ZNF436: variants seen among roughly 807,000 people sequenced by gnomAD.
The protein encoded by ZNF436 is zinc finger protein 436, also known as DNA-binding protein.
A neutral mutation model predicts 41.9 loss-of-function variants in ZNF436; 22 were observed. The ratio of observed to expected loss-of-function variants is 0.53; its 90% CI spans 0.38 to 0.75. The LOEUF (loss-of-function observed/expected upper bound fraction) is 0.75, where lower values mean the gene tolerates loss of function less well. Among genes scored for constraint, ZNF436 ranks in the 30% least tolerant of loss-of-function variants. The pLI is 0.00. For missense variants in ZNF436, 506 were observed against 587.3 expected, an observed-to-expected ratio of 0.86 and a Z score of 1.43; for synonymous variants, 217 against 197.8, an observed-to-expected ratio of 1.10 and a Z score of -0.82.
In ZNF436 at chr1:23,359,482, T is replaced by C. The variant is rs1646979567; in HGVS notation, c.*2487A>G. 6.6e-6 allele frequency: 1 copy of C among 152,218 alleles called. No individual in the cohort carries two copies. Among genetic ancestry groups the C allele is most frequent in the Non-Finnish European group, 1.5e-5 (1 of 68,028 alleles). The allele number at this position is 152,218 out of a possible 1,614,324, so 9.4% of individuals were successfully genotyped here. A position where few individuals can be genotyped will look rare whatever the true frequency, so the allele number is the denominator to read the frequency against. On this transcript the variant is annotated 3_prime_UTR_variant, in exon 4 of 4. Transcript: ENST00000314011. ...AAATTATATTTTTAATTATAGAATA[T>C]TGTTAGAATAATACAAACACTAGGA...
intron 3 of ZNF436, among the ~76,000 whole-genome samples, chr1:23,366,796 A>C (rs1638366580): frequency 6.6e-6 from 1 of 152,218 alleles, no homozygotes; most frequent in African/African-American, 2.4e-5. Context: ...AACAGGCTGG[A>C]GATTGGAAAA....
rs756307301 is a variant in ZNF436 at position 23,362,885 on chromosome 1, T to C, written c.497A>G (p.Tyr166Cys). Residue 166 changes from tyrosine (Y) to cysteine (C), a missense_variant, in exon 4 of 4, where the codon TAT (tyrosine) becomes TGT (cysteine). Physicochemically the swap from Tyr to Cys is radical, Grantham distance 194. Around this residue, in one of 2 missense-constraint regions of ZNF436, gnomAD observed 228 missense variants for 215.1 expected, o/e 1.06. Transcript: ENST00000314011. ...GCCTTTTCCACATTCATAACATTTA[T>C]AGGGTCTGTCTCCAGTGTGGGTCTT... Reference protein sequence around the residue: ...HQKTHTGDRPYKCYECGKGFS... With the variant: ...HQKTHTGDRPCKCYECGKGFS... 1 of 1,614,212 alleles carries C rather than the reference T, an allele frequency of 6.2e-7. No individual in the cohort carries two copies. The highest frequency in any genetic ancestry group is 8.5e-7 in the Non-Finnish European group (1 of 1,180,036).
At chr1:23,367,895 C>A in intron 2 of ZNF436, 78 bp downstream of exon 2, 1 of 1,528,868 alleles carries the variant, frequency 6.5e-7, no homozygotes, top group Admixed American at 1.8e-5. Flanking sequence ...GAATTTCCCA[C>A]AGGGACTTGC....
Position 23,366,554 on chromosome 1 carries a change from C to G in ZNF436, c.160+488G>C, listed in dbSNP as rs189406323. Reference sequence around the variant, plus strand: ...AGCATTTGACACACTACAAATCTATCATCATCAACACTGAAACATCTCTAG... The same window carrying G: ...AGCATTTGACACACTACAAATCTATGATCATCAACACTGAAACATCTCTAG... On this transcript the variant is annotated intron_variant, in intron 3 of 3. Coordinates refer to ENST00000314011, the MANE Select transcript of ZNF436 (RefSeq NM_001077195.2). Among the ~76,000 whole-genome samples, 9 of 152,312 alleles carry G rather than the reference C, an allele frequency of 5.9e-5. No homozygotes were observed. The East Asian group carries it at 1.7e-3, about 29-fold the overall frequency.
rs757043664 is a variant in ZNF436, at chr1:23,367,975, G to A, written c.31C>T (p.Gln11Ter). The A allele has an allele frequency of 1.2e-6, 2 of 1,614,110 alleles. No homozygotes were observed. Among genetic ancestry groups the A allele is most frequent in the Non-Finnish European group, 1.7e-6 (2 of 1,180,020 alleles). The stretch of plus-strand genomic sequence containing the variant: ...CTGAGAAGCCACCTCCGGCTTACCT[G>A]GGACCCAGCCATGAGCAGGGTGGCT... MAATLLMAGS[Q>*]APVTFEDMAM... is the part of the protein sequence containing the mutation. Residue 11 changes from glutamine (Q) to a stop codon, truncating the protein, a stop_gained and splice_region_variant, in exon 2 of 4, where the codon CAG becomes TAG. Coordinates refer to ENST00000314011, the MANE Select transcript of ZNF436 (RefSeq NM_001077195.2). LOFTEE classifies it high-confidence loss of function.
intron 1 of ZNF436, among the ~76,000 whole-genome samples, chr1:23,368,673 G>A (rs1570193923): frequency 6.6e-6 from 1 of 152,374 alleles, no homozygotes; most frequent in East Asian, 1.9e-4. Flanking sequence ...TTAAGCTAGA[G>A]GCTGCCCTGC....
At position 23,360,665 on chromosome 1, in the gene ZNF436, A is replaced by G. The variant is rs529278597; in HGVS notation, c.*1304T>C. The G allele has an allele frequency of 3.3e-5, 5 of 152,782 alleles. No individual in the cohort carries two copies. In the East Asian group the frequency reaches 9.6e-4, roughly 29 times the overall value. 9.5% of individuals were successfully genotyped at this position (152,782 alleles called of 1,614,324 possible). A position where few individuals can be genotyped will look rare whatever the true frequency, so the allele number is the denominator to read the frequency against. On this transcript the variant is annotated 3_prime_UTR_variant, in exon 4 of 4. Transcript: ENST00000314011. ...AAAGAGTTCTTCATTACCATAGAAG[A>G]TAATTCATTCTGAGAATAGGACAAT...
At chr1:23,364,298 C>T (rs975763031) in intron 3 of ZNF436, among the ~76,000 whole-genome samples, 8 of 152,250 alleles carry the variant, frequency 5.3e-5, no homozygotes, top group East Asian at 1.9e-4. Context: ...AGTGCAATGG[C>T]GCAATCTCCG....
In ZNF436 at chr1:23,363,199, G is replaced by T. The variant is rs550287890; in HGVS notation, c.183C>A (p.Asn61Lys). The T allele has an allele frequency of 6.2e-6, 10 of 1,612,498 alleles. No homozygotes were observed. The highest frequency in any genetic ancestry group is 8.5e-6 in the Non-Finnish European group (10 of 1,179,700). ...VSLDFEIRSE[N>K]EVNPKQEISE... ...TAATCTCTTGCTTGGGATTTACCTC[G>T]TTCTCACTCCTGATCTCAAAATCTG... is the stretch of plus-strand genomic sequence containing the variant. Residue 61 changes from asparagine (N) to lysine (K), a missense_variant, in exon 4 of 4, where the codon AAC (asparagine) becomes AAA (lysine). Asn to Lys is a moderately conservative substitution (Grantham distance 94). This residue lies in a region of ZNF436 where 228 missense variants were observed against 215.1 expected (regional missense o/e 1.06). Transcript: ENST00000314011.
chr1:23,365,442 G>A (rs1465031764), intron 3 of ZNF436, among the ~76,000 whole-genome samples: 1 of 151,176 alleles, frequency 6.6e-6, no homozygotes, highest in Non-Finnish European at 1.5e-5. Flanking sequence ...AGCTGAGCAT[G>A]GTGCCTGACA....
intron 3 of ZNF436, among the ~76,000 whole-genome samples, chr1:23,364,608 C>A (rs1638318411): frequency 6.6e-6 from 1 of 152,198 alleles, no homozygotes; most frequent in African/African-American, 2.4e-5. Context: ...AAGTGACTGA[C>A]AAATGTCACT....
rs1638376480 is a variant in ZNF436 at position 23,367,114 on chromosome 1, G to C, written c.88C>G (p.Pro30Ala). 6.2e-7 allele frequency: 1 copy of C among 1,613,684 alleles called. No homozygotes were observed. Among genetic ancestry groups the C allele is most frequent in the South Asian group, 1.1e-5 (1 of 91,012 alleles). ...AMYLTREEWR[P>A]LDAAQRDLYR... ...AGGTCCCTCTGTGCAGCGTCCAGAG[G>C]TCTCCATTCTTCCCGGGTGAGATAC... The change falls in exon 3 of 4, where the codon CCT becomes GCT. Residue 30 changes from proline (P) to alanine (A), a missense_variant. This residue lies in a region of ZNF436 where 228 missense variants were observed against 215.1 expected (regional missense o/e 1.06). Coordinates refer to ENST00000314011, the MANE Select transcript of ZNF436 (RefSeq NM_001077195.2).
Position 23,362,800 on chromosome 1 carries a change from A to G in ZNF436, c.582T>C (p.Tyr194=), listed in dbSNP as rs1257107491. 10 of 1,614,024 alleles carry G rather than the reference A, an allele frequency of 6.2e-6. No homozygotes were observed. Among genetic ancestry groups the G allele is most frequent in the East Asian group, 2.2e-5 (1 of 44,882 alleles). Residue 194 remains tyrosine (Y), a synonymous_variant, in exon 4 of 4, where the codon TAT becomes TAC. Coordinates refer to ENST00000314011, the MANE Select transcript of ZNF436 (RefSeq NM_001077195.2). ...HQRTHTGERP[Y]DCNECGKSFG... is the part of the protein sequence containing the mutation. ...AACTTTTCCCACACTCGTTACAGTC[A>G]TAAGGCCTCTCCCCAGTATGTGTTC...
intron 3 of ZNF436, among the ~76,000 whole-genome samples, chr1:23,365,401 AAAAT>A (rs933511064): frequency 9.3e-5 from 14 of 150,992 alleles, no homozygotes; most frequent in Non-Finnish European, 1.3e-4. Flanking sequence ...ATCTCACAAA[AAAAT>A]AAATAAATAA....
In ZNF436 at chr1:23,361,389, GAGA is replaced by G. The variant is rs1458830353; in HGVS notation, c.*577_*579del. The stretch of plus-strand genomic sequence containing the variant: ...TTTAAAGGAGCTAATTAGAAACAAT[GAGA>G]AGGAGAAAAGTTACAATCATTGCCT... On this transcript the variant is annotated 3_prime_UTR_variant, in exon 4 of 4. Coordinates refer to ENST00000314011, the MANE Select transcript of ZNF436 (RefSeq NM_001077195.2). The G allele has an allele frequency of 1.3e-5, 2 of 152,770 alleles. No homozygotes were observed. The highest frequency in any genetic ancestry group is 2.9e-5 in the Non-Finnish European group (2 of 68,154). 9.5% of individuals were successfully genotyped at this position (152,770 alleles called of 1,614,324 possible). A position where few individuals can be genotyped will look rare whatever the true frequency, so the allele number is the denominator to read the frequency against.
Position 23,363,293 on chromosome 1 carries a change from A to C in ZNF436, c.161-72T>G, listed in dbSNP as rs1445671417. On this transcript the variant is annotated intron_variant, in intron 3 of 3. Coordinates refer to ENST00000314011, the MANE Select transcript of ZNF436 (RefSeq NM_001077195.2). ...TATTGTGTGCCAGGCACTATACTAA[A>C]TTTTTTTTTTTTTTAGACAGAGTCT... is the stretch of plus-strand genomic sequence containing the variant. 2.7e-6 allele frequency: 3 copies of C among 1,097,748 alleles called. No homozygotes were observed. In the East Asian group the frequency reaches 8.3e-5, roughly 30 times the overall value. 68.0% of individuals were successfully genotyped at this position (1,097,748 alleles called of 1,614,324 possible).
chr1:23,367,976 G>C lies in ZNF436; in HGVS notation c.30C>G (p.Ser10=), dbSNP rs143828570. 327 of 1,613,970 alleles carry C rather than the reference G, an allele frequency of 2.0e-4. No individual in the cohort carries two copies. Among genetic ancestry groups the C allele is most frequent in the Non-Finnish European group, 2.6e-4 (310 of 1,180,030 alleles). ...TGAGAAGCCACCTCCGGCTTACCTG[G>C]GACCCAGCCATGAGCAGGGTGGCTG... The part of the protein sequence containing the change: MAATLLMAG[S]QAPVTFEDMA... The change falls in exon 2 of 4, where the codon TCC becomes TCG. Residue 10 remains serine, a synonymous_variant. Coordinates refer to ENST00000314011, the MANE Select transcript of ZNF436 (RefSeq NM_001077195.2).
rs534946850 is a variant in ZNF436, at chr1:23,368,241, G to T, written c.-60-176C>A. 8.5e-4 allele frequency: 482 copies of T among 569,900 alleles called. 2 individuals carry two copies. The highest frequency in any genetic ancestry group is 2.1e-3 in the South Asian group (103 of 48,884). The allele number at this position is 569,900 out of a possible 1,614,324, so 35.3% of individuals were successfully genotyped here. On this transcript the variant is annotated intron_variant, in intron 1 of 3. Transcript: ENST00000314011. ...TGCGTCTCCGCCACAGCGGGGTGGA[G>T]GCAATGCCGGAATCTACTAGGACAG...
At chr1:23,364,930 C>T (rs1436606199) in intron 3 of ZNF436, among the ~76,000 whole-genome samples, 1 of 152,070 alleles carries the variant, frequency 6.6e-6, no homozygotes, top group Non-Finnish European at 1.5e-5. Flanking sequence ...TGCCTAATAA[C>T]ACATTAAAGG....
Sources: gnomAD v4.1 joint callset for allele counts (sites outside exome capture counted in the v4.1 genomes callset) on GRCh38, gnomAD v4.1.1 for gene constraint, gnomAD v4.1.1 regional missense constraint, MANE v1.5 for transcripts, NCBI Gene and HGNC (gene_info 2026-07-23, HGNC 2026-07-21) for gene names.